FCHO2: variants seen among roughly 807,000 people sequenced by gnomAD.
FCHO2 encodes FCH and mu domain containing endocytic adaptor 2.
In FCHO2, 43 loss-of-function variants were observed where a neutral mutation model predicts 114.1. The observed-to-expected ratio is 0.38, with a 90% CI of 0.30 to 0.49. The LOEUF is 0.49. FCHO2 is among the 20% of genes least tolerant of loss of function. FCHO2 has a pLI of 0.97. For missense variants in FCHO2, 807 were observed against 950.4 expected (o/e 0.85, Z 1.98); for synonymous variants, 293 against 315.2 (o/e 0.93, Z 0.75).
intron 2 of FCHO2, among the ~76,000 whole-genome samples, chr5:72,978,174 C>T (rs991881816): frequency 6.6e-6 from 1 of 152,178 alleles, no homozygotes; most frequent in African/African-American, 2.4e-5. Flanking sequence ...ATGAGGATAG[C>T]ATTGAATCTA....
intron 8 of FCHO2, among the ~76,000 whole-genome samples, chr5:73,020,447 GATACTT>G (rs1453092654): frequency 6.6e-6 from 1 of 152,188 alleles, no homozygotes; most frequent in East Asian, 1.9e-4. Context: ...TGGGGAAAAA[GATACTT>G]ATAAATGAAG....
At chr5:73,053,215 A>T (rs541594568) in intron 13 of FCHO2, among the ~76,000 whole-genome samples, 3 of 152,326 alleles carry the variant, frequency 2.0e-5, no homozygotes, top group African/African-American at 7.2e-5. Context: ...TTGTTGTCTA[A>T]TTACATATTT....
intron 17 of FCHO2, among the ~76,000 whole-genome samples, chr5:73,062,266 G>A (rs1757889539): frequency 6.6e-6 from 1 of 152,066 alleles, no homozygotes; most frequent in African/African-American, 2.4e-5. Context: ...TTTATAAACA[G>A]TGGTGTTAAT....
At chr5:72,975,802 G>GCCATTC (rs1206560805) in intron 2 of FCHO2, among the ~76,000 whole-genome samples, 1 of 152,122 alleles carries the variant, frequency 6.6e-6, no homozygotes. Context: ...ACTGTGCCTG[G>GCCATTC]CCAGGCTCAT....
Position 73,049,017 on chromosome 5 carries a change from C to CTCGGT in FCHO2, c.940-2332_940-2331insTCGGT, listed in dbSNP as rs1757215464. 2.0e-5 allele frequency among the ~76,000 whole-genome samples: 3 copies of CTCGGT among 151,170 alleles called. No individual in the cohort carries two copies. The South Asian group carries it at 6.3e-4, about 32-fold the overall frequency. ...TCAGCCTCCCGAGTAGCTGGGACTA[C>CTCGGT]AGGCGCCCGCTACCACGCCCGGCTA... On this transcript the variant is annotated intron_variant, in intron 11 of 25. Transcript: ENST00000430046.
At chr5:73,055,642 G>T in intron 15 of FCHO2, among the ~76,000 whole-genome samples, 1 of 152,122 alleles carries the variant, frequency 6.6e-6, no homozygotes, top group East Asian at 1.9e-4. Flanking sequence ...ACATCCTCAA[G>T]AGTTAATAAC....
intron 10 of FCHO2, among the ~76,000 whole-genome samples, chr5:73,039,959 AG>A (rs1756728541): frequency 6.6e-6 from 1 of 151,400 alleles, no homozygotes; most frequent in Non-Finnish European, 1.5e-5. Flanking sequence ...AAAAAAAAGA[AG>A]AAGAAAGAAA....
At chr5:73,040,308 A>G (rs781469961) in intron 10 of FCHO2, among the ~76,000 whole-genome samples, 7 of 152,156 alleles carry the variant, frequency 4.6e-5, no homozygotes, top group Non-Finnish European at 5.9e-5. Flanking sequence ...GAATGTTCCA[A>G]TGAACATTTT....
chr5:72,977,605 A>G (rs545805572), intron 2 of FCHO2, among the ~76,000 whole-genome samples: 1 of 152,322 alleles, frequency 6.6e-6, no homozygotes, highest in South Asian at 2.1e-4. Flanking sequence ...TTTGCTGTGC[A>G]GAAGCTCTTT....
intron 10 of FCHO2, chr5:73,037,760 C>CTTTT: frequency 1.8e-5 from 6 of 334,130 alleles, no homozygotes; most frequent in Admixed American, 3.8e-5. Flanking sequence ...GATTTACCTT[C>CTTTT]TTTTTTTTTT....
At chr5:72,975,866 A>G (rs772087932) in intron 2 of FCHO2, among the ~76,000 whole-genome samples, 2 of 152,136 alleles carry the variant, frequency 1.3e-5, no homozygotes, top group Non-Finnish European at 2.9e-5. Flanking sequence ...CATTTTATCC[A>G]CTGACTTACT....
In FCHO2 at chr5:73,058,566, ATACTT is replaced by A. The variant is rs572254075; in HGVS notation, c.1345+45_1345+49del. ...ATATATGTATTTTTTTAAATAAAGAATACTTTAGTTGCTTTTTCTCATTCACTTTT... is the reference window on the plus strand; with the variant it reads ...ATATATGTATTTTTTTAAATAAAGAATAGTTGCTTTTTCTCATTCACTTTT... On this transcript the variant is annotated intron_variant, in intron 17 of 25. Transcript: ENST00000430046. The A allele has an allele frequency of 1.5e-4, 130 of 851,034 alleles. No homozygotes were observed. In the African/African-American group the frequency reaches 2.1e-3, roughly 14 times the overall value. The allele number at this position is 851,034 out of a possible 1,614,324, so 52.7% of individuals were successfully genotyped here.
At chr5:73,003,711 C>T (rs1026864813) in intron 5 of FCHO2, among the ~76,000 whole-genome samples, 2 of 152,056 alleles carry the variant, frequency 1.3e-5, no homozygotes, top group African/African-American at 4.8e-5. Flanking sequence ...AAGGGGCTTT[C>T]AGTAGGGTTA....
intron 2 of FCHO2, among the ~76,000 whole-genome samples, chr5:72,973,224 G>A (rs1272613746): frequency 1.3e-5 from 2 of 152,168 alleles, no homozygotes; most frequent in African/African-American, 4.8e-5. Flanking sequence ...CATAAAATGA[G>A]TTAGGGAGGA....
At chr5:73,024,235 A>C (rs1013606745) in intron 8 of FCHO2, among the ~76,000 whole-genome samples, 5 of 151,760 alleles carry the variant, frequency 3.3e-5, no homozygotes, top group African/African-American at 1.2e-4. Context: ...GATTTTTAAA[A>C]ATTTTTAGTG....
At chr5:73,017,372 C>T in intron 8 of FCHO2, 64 bp downstream of exon 8, 1 of 1,012,232 alleles carries the variant, frequency 9.9e-7, no homozygotes, top group Non-Finnish European at 1.4e-6. Flanking sequence ...AACATATTTG[C>T]CTTGAAGATC....
intron 2 of FCHO2, among the ~76,000 whole-genome samples, chr5:72,974,592 T>C (rs1752754344): frequency 6.6e-6 from 1 of 151,838 alleles, no homozygotes; most frequent in Non-Finnish European, 1.5e-5. Context: ...TGAGCCTATG[T>C]GTGTCTCTGC....
intron 5 of FCHO2, among the ~76,000 whole-genome samples, chr5:73,004,275 C>A (rs973346271): frequency 1.3e-5 from 2 of 151,978 alleles, no homozygotes; most frequent in Non-Finnish European, 2.9e-5. Flanking sequence ...GGTAAACTAT[C>A]CATTTCATTT....
chr5:73,020,898 C>T, intron 8 of FCHO2: 1 of 1,228,562 alleles, frequency 8.1e-7, no homozygotes, highest in East Asian at 2.3e-5. Flanking sequence ...CACGGGAGAG[C>T]TTATCATCTT....
Sources: gnomAD v4.1 joint callset for allele counts (sites outside exome capture counted in the v4.1 genomes callset) on GRCh38, gnomAD v4.1.1 for gene constraint, MANE v1.5 for transcripts, NCBI Gene and HGNC (gene_info 2026-07-23, HGNC 2026-07-21) for gene names.